The following ERBB4 variants were observed in gnomAD, a reference collection of about 807,000 sequenced individuals.
ERBB4 encodes the protein receptor tyrosine-protein kinase erbB-4.
Under a neutral mutation model 158.0 loss-of-function variants are expected in ERBB4, and 42 were observed. That is an observed-to-expected ratio of 0.27 (90% CI 0.21 to 0.34). The LOEUF is 0.34. ERBB4 is among the 10% of genes least tolerant of loss of function. The pLI is 1.00. For synonymous variants in ERBB4, 583 were observed against 558.7 expected, an observed-to-expected ratio of 1.04 and a Z score of -0.61; for missense variants, 1,333 against 1,624.1, an observed-to-expected ratio of 0.82 and a Z score of 3.08.
At chr2:211,681,624 T>C (rs1477194922) in intron 12 of ERBB4, among the ~76,000 whole-genome samples, 2 of 152,212 alleles carry the variant, frequency 1.3e-5, no homozygotes, top group Admixed American at 1.3e-4. Flanking sequence ...TTAAAAATGT[T>C]GAATATCTTT....
intron 1 of ERBB4, among the ~76,000 whole-genome samples, chr2:212,202,003 C>G (rs1574422930): frequency 6.6e-6 from 1 of 152,110 alleles, no homozygotes; most frequent in Non-Finnish European, 1.5e-5. Flanking sequence ...AAGGACTTTG[C>G]CTTATTCATT....
At chr2:211,504,405 C>A (rs2065693132) in intron 20 of ERBB4, among the ~76,000 whole-genome samples, 1 of 151,836 alleles carries the variant, frequency 6.6e-6, no homozygotes. Context: ...AGCCAAAAGA[C>A]CCTACCCAAC....
chr2:211,388,650 C>T (rs1023951989), intron 25 of ERBB4, among the ~76,000 whole-genome samples: 2 of 151,568 alleles, frequency 1.3e-5, no homozygotes, highest in African/African-American at 4.8e-5. Context: ...TTAGATTCCC[C>T]TTATGGTATT....
chr2:212,141,373 C>T (rs193140483), intron 1 of ERBB4, among the ~76,000 whole-genome samples: 2 of 152,030 alleles, frequency 1.3e-5, no homozygotes, highest in East Asian at 3.9e-4. Flanking sequence ...ATTTGTGACC[C>T]ATTCCCTTCT....
intron 19 of ERBB4, among the ~76,000 whole-genome samples, chr2:211,568,290 GGGA>G (rs1440110688): frequency 6.6e-6 from 1 of 151,898 alleles, no homozygotes; most frequent in Non-Finnish European, 1.5e-5. Context: ...AAACCATCAA[GGGA>G]CTACTGAGGT....
chr2:211,795,282 C>G (rs953933961), intron 3 of ERBB4, among the ~76,000 whole-genome samples: 1 of 151,718 alleles, frequency 6.6e-6, no homozygotes, highest in Admixed American at 6.6e-5. Flanking sequence ...AGTTTTGTTT[C>G]AACAAAGCAA....
chr2:211,784,074 C>T (rs1277816066), intron 4 of ERBB4, among the ~76,000 whole-genome samples: 1 of 152,152 alleles, frequency 6.6e-6, no homozygotes, highest in Admixed American at 6.5e-5. Context: ...GGGGATTCAA[C>T]TTCTTCCTGA....
At chr2:212,039,549 C>T (rs1185054433) in intron 2 of ERBB4, among the ~76,000 whole-genome samples, 1 of 152,082 alleles carries the variant, frequency 6.6e-6, no homozygotes, top group Non-Finnish European at 1.5e-5. Context: ...CTTTTGAGAA[C>T]TTCTTATTAA....
rs762901182 is a variant in ERBB4, at chr2:211,862,332, ATC to A, written c.422-74175_422-74174del. Among the ~76,000 whole-genome samples the A allele has an allele frequency of 6.8e-4, 104 of 152,340 alleles. No homozygotes were observed. The Middle Eastern group carries it at 0.01, about 15-fold the overall frequency. ...GTTAAAGCCAAATTAATGCTATAAC[ATC>A]TGTTTCTTATCAGCAGAAAATAAGA... On this transcript the variant is annotated intron_variant, in intron 3 of 27. Coordinates refer to ENST00000342788, the MANE Select transcript of ERBB4 (RefSeq NM_005235.3).
At chr2:212,373,889 CCATATATATATATCCATGTATATATCCA>C (rs1560146251) in intron 1 of ERBB4, among the ~76,000 whole-genome samples, 4,380 of 114,294 alleles carry the variant, frequency 0.038, 818 homozygotes, top group Non-Finnish European at 0.052. Flanking sequence ...ATGTATATAT[CCATATATATATATCCATGTATATATCCA>C]TATATATATA....
intron 2 of ERBB4, among the ~76,000 whole-genome samples, chr2:212,064,200 G>T (rs1485447301): frequency 1.3e-5 from 2 of 152,072 alleles, no homozygotes; most frequent in African/African-American, 4.8e-5. Context: ...TATTTACAAA[G>T]GCCTGAAGCA....
chr2:212,285,160 G>T (rs1457103357), intron 1 of ERBB4, among the ~76,000 whole-genome samples: 1 of 152,060 alleles, frequency 6.6e-6, no homozygotes, highest in Non-Finnish European at 1.5e-5. Context: ...TTAAATGAAG[G>T]CTCAGTTATA....
At position 211,577,902 on chromosome 2, in the gene ERBB4, A is replaced by G. The variant is rs182321478; in HGVS notation, c.2302-15814T>C. ...AAGCATTATCTTTGAAAACTGGCAA[A>G]GACAAGGATGCCCTCTCTCATCATT... On this transcript the variant is annotated intron_variant, in intron 19 of 27. Coordinates refer to ENST00000342788, the MANE Select transcript of ERBB4 (RefSeq NM_005235.3). 1.4e-4 allele frequency among the ~76,000 whole-genome samples: 21 copies of G among 152,306 alleles called. No individual in the cohort carries two copies. In the East Asian group the frequency reaches 4.0e-3, roughly 29 times the overall value.
intron 2 of ERBB4, among the ~76,000 whole-genome samples, chr2:212,086,383 T>A (rs2078611957): frequency 6.6e-6 from 1 of 151,728 alleles, no homozygotes; most frequent in Admixed American, 6.6e-5. Flanking sequence ...AAAAAATATC[T>A]TTGGATTCTA....
intron 19 of ERBB4, among the ~76,000 whole-genome samples, chr2:211,617,393 C>T (rs892932532): frequency 6.6e-6 from 1 of 152,048 alleles, no homozygotes; most frequent in African/African-American, 2.4e-5. Context: ...GAATAATTGG[C>T]ATATCACTGA....
chr2:212,251,914 A>T (rs1457535131), intron 1 of ERBB4, among the ~76,000 whole-genome samples: 1 of 151,972 alleles, frequency 6.6e-6, no homozygotes, highest in Non-Finnish European at 1.5e-5. Flanking sequence ...TATACTGACA[A>T]TGGATCACAA....
At chr2:211,785,202 C>T (rs543955306) in intron 4 of ERBB4, among the ~76,000 whole-genome samples, 4 of 151,626 alleles carry the variant, frequency 2.6e-5, no homozygotes, top group Non-Finnish European at 5.9e-5. Context: ...CCTGGGTTCA[C>T]GCCATTCTCC....
chr2:211,547,483 G>A (rs1440902546), intron 20 of ERBB4, among the ~76,000 whole-genome samples: 1 of 151,970 alleles, frequency 6.6e-6, no homozygotes, highest in East Asian at 1.9e-4. Context: ...GCACACACCT[G>A]AAAGATCATA....
chr2:212,206,647 T>C (rs957070249), intron 1 of ERBB4, among the ~76,000 whole-genome samples: 6 of 146,484 alleles, frequency 4.1e-5, no homozygotes, highest in African/African-American at 1.0e-4. Flanking sequence ...ACTGCAGTGG[T>C]GCTATCTCGG....
Sources: allele counts gnomAD v4.1 joint callset (sites outside exome capture counted in the v4.1 genomes callset), GRCh38; gene constraint gnomAD v4.1.1; transcripts MANE v1.5; gene names NCBI Gene and HGNC (gene_info 2026-07-23, HGNC 2026-07-21).